TSPAN13: variants seen among roughly 807,000 people sequenced by gnomAD.
TSPAN13 encodes tetraspanin-13.
Under a neutral mutation model 26.9 loss-of-function variants are expected in TSPAN13, and 18 were observed. The ratio of observed to expected loss-of-function variants is 0.67; its 90% CI spans 0.46 to 0.99. TSPAN13 has a LOEUF of 0.99. TSPAN13 is among the 50% of genes least tolerant of loss of function. The probability of loss-of-function intolerance (pLI) is 0.00; values close to 1 mark genes in which losing one functional copy is unlikely to be tolerated. For missense variants in TSPAN13, 201 were observed against 249.6 expected, an observed-to-expected ratio of 0.81 and a Z score of 1.31; for synonymous variants, 116 against 98.4, an observed-to-expected ratio of 1.18 and a Z score of -1.06.
intron 1 of TSPAN13, among the ~76,000 whole-genome samples, chr7:16,774,954 T>C (rs991444332): frequency 2.6e-5 from 4 of 152,236 alleles, no homozygotes; most frequent in Non-Finnish European, 5.9e-5. Flanking sequence ...GATGTAAAAT[T>C]TGCCTGACAA....
intron 5 of TSPAN13, 151 bp downstream of exon 5, chr7:16,779,267 C>G (rs1784788367): frequency 3.4e-6 from 2 of 594,874 alleles, no homozygotes; most frequent in Admixed American, 3.3e-5. Flanking sequence ...GAAGATCTTA[C>G]AAGTCTATTA....
At chr7:16,778,034 C>T in intron 4 of TSPAN13, 123 bp downstream of exon 4, 1 of 686,948 alleles carries the variant, frequency 1.5e-6, no homozygotes, top group Non-Finnish European at 2.3e-6. Context: ...TATATATTTA[C>T]ATTATATTTC....
chr7:16,783,557 G>T lies in TSPAN13; in HGVS notation c.*66G>T. 1.4e-6 allele frequency: 2 copies of T among 1,475,992 alleles called. No homozygotes were observed. The highest frequency in any genetic ancestry group is 1.1e-5 in the South Asian group (1 of 87,344). The allele number at this position is 1,475,992 out of a possible 1,614,324, so 91.4% of individuals were successfully genotyped here. Reference sequence around the variant, plus strand: ...TTCACTTTCTGTAATTTTCTGTTAAGCTCCATTTGCCAGTTTAAGGAAGGA... The same window carrying T: ...TTCACTTTCTGTAATTTTCTGTTAATCTCCATTTGCCAGTTTAAGGAAGGA... On this transcript the variant is annotated 3_prime_UTR_variant, in exon 6 of 6. Transcript: ENST00000262067.
In TSPAN13 at chr7:16,781,590, C is replaced by T. The variant is rs569829462; in HGVS notation, c.541-1827C>T. Among the ~76,000 whole-genome samples, 10 of 152,298 alleles carry T rather than the reference C, an allele frequency of 6.6e-5. No homozygotes were observed. The South Asian group carries it at 1.5e-3, about 22-fold the overall frequency. ...AAGGGGAGAGATTTTCCCCTTTTGG[C>T]GCTTATAGCCAAGTTGGAGGAATAC... On this transcript the variant is annotated intron_variant, in intron 5 of 5. Coordinates refer to ENST00000262067, the MANE Select transcript of TSPAN13 (RefSeq NM_014399.4).
At chr7:16,777,560 C>T (rs1171582377) in intron 3 of TSPAN13, among the ~76,000 whole-genome samples, 1 of 152,138 alleles carries the variant, frequency 6.6e-6, no homozygotes, top group Non-Finnish European at 1.5e-5. Context: ...CCAAGTGCTT[C>T]TTTTAAATTG....
At chr7:16,768,752 G>T (rs186611309) in intron 1 of TSPAN13, among the ~76,000 whole-genome samples, 42 of 152,330 alleles carry the variant, frequency 2.8e-4, no homozygotes, top group Admixed American at 2.2e-3. Context: ...ACTTATTAAA[G>T]TCTACTCTTT....
At chr7:16,781,734 A>G (rs1784815493) in intron 5 of TSPAN13, among the ~76,000 whole-genome samples, 1 of 152,208 alleles carries the variant, frequency 6.6e-6, no homozygotes, top group Admixed American at 6.5e-5. Context: ...CAAAATGTTA[A>G]CATCCTCAAA....
At chr7:16,762,197 G>C (rs181248159) in intron 1 of TSPAN13, among the ~76,000 whole-genome samples, 3 of 152,260 alleles carry the variant, frequency 2.0e-5, no homozygotes, top group African/African-American at 7.2e-5. Context: ...ACATCATTAG[G>C]CTGACTTTCT....
chr7:16,773,772 A>G (rs891708894), intron 1 of TSPAN13, among the ~76,000 whole-genome samples: 2 of 152,226 alleles, frequency 1.3e-5, no homozygotes, highest in Admixed American at 6.5e-5. Context: ...TTAAAGAACT[A>G]TGGGGTTAGA....
rs558575937 is a variant in TSPAN13 at position 16,758,507 on chromosome 7, A to C, written c.63+4477A>C. On this transcript the variant is annotated intron_variant, in intron 1 of 5. Transcript: ENST00000262067. ...TACAGCTTCAGGTGGAAAAAGTTGA[A>C]TTTTGCTGAATTTATAGACTTGGCT... 5.3e-5 allele frequency among the ~76,000 whole-genome samples: 8 copies of C among 152,330 alleles called. No homozygotes were observed. The East Asian group carries it at 1.5e-3, about 29-fold the overall frequency.
intron 1 of TSPAN13, among the ~76,000 whole-genome samples, chr7:16,754,452 G>T (rs571653547): frequency 6.6e-6 from 1 of 152,332 alleles, no homozygotes; most frequent in East Asian, 1.9e-4. Context: ...TTGCGGAATG[G>T]CGTGGCCTGA....
chr7:16,776,480 C>A, intron 2 of TSPAN13, 102 bp downstream of exon 2: 2 of 1,141,520 alleles, frequency 1.8e-6, no homozygotes, highest in Non-Finnish European at 2.5e-6. Flanking sequence ...AAAGCAACTC[C>A]AAGCAAGCCT....
intron 5 of TSPAN13, among the ~76,000 whole-genome samples, chr7:16,780,635 TTC>T (rs144969913): frequency 0.032 from 4,857 of 152,276 alleles, 102 homozygotes; most frequent in Non-Finnish European, 0.048. Flanking sequence ...CTGGAGTAAT[TTC>T]TCTCTACACA....
intron 1 of TSPAN13, among the ~76,000 whole-genome samples, chr7:16,757,554 A>T (rs1784493442): frequency 6.6e-6 from 1 of 152,216 alleles, no homozygotes; most frequent in South Asian, 2.1e-4. Flanking sequence ...ACTGAAAAAT[A>T]TGACCAAACA....
intron 1 of TSPAN13, among the ~76,000 whole-genome samples, chr7:16,773,726 A>G (rs1211496086): frequency 6.6e-6 from 1 of 152,244 alleles, no homozygotes; most frequent in Non-Finnish European, 1.5e-5. Flanking sequence ...GATGTAGTAT[A>G]ATTCCCAAAA....
intron 1 of TSPAN13, among the ~76,000 whole-genome samples, chr7:16,754,432 G>A (rs940556526): frequency 6.6e-6 from 1 of 152,216 alleles, no homozygotes; most frequent in African/African-American, 2.4e-5. Flanking sequence ...GTCAGGGCTT[G>A]CGGACAGTTT....
chr7:16,771,229 G>T (rs867393474), intron 1 of TSPAN13, among the ~76,000 whole-genome samples: 1 of 152,086 alleles, frequency 6.6e-6, no homozygotes, highest in Non-Finnish European at 1.5e-5. Context: ...GCTCACTTAC[G>T]TATTTAAATA....
At chr7:16,764,438 G>C (rs977030507) in intron 1 of TSPAN13, among the ~76,000 whole-genome samples, 2 of 152,070 alleles carry the variant, frequency 1.3e-5, no homozygotes, top group Non-Finnish European at 2.9e-5. Context: ...AATATATTAA[G>C]TTTCTAATTC....
At position 16,764,936 on chromosome 7, in the gene TSPAN13, T is replaced by G. The variant is rs1337128460; in HGVS notation, c.63+10906T>G. Among the ~76,000 whole-genome samples, 6 of 151,064 alleles carry G rather than the reference T, an allele frequency of 4.0e-5. No homozygotes were observed. The East Asian group carries it at 1.2e-3, about 29-fold the overall frequency. ...GTCTCTGTTTTGTTTTTGTTTTTGT[T>G]TTTTTTTTGAGACAAGGTCTTGCTA... On this transcript the variant is annotated intron_variant, in intron 1 of 5. Coordinates refer to ENST00000262067, the MANE Select transcript of TSPAN13 (RefSeq NM_014399.4).
Sources: gnomAD v4.1 joint callset for allele counts (sites outside exome capture counted in the v4.1 genomes callset) on GRCh38, gnomAD v4.1.1 for gene constraint, MANE v1.5 for transcripts, NCBI Gene and HGNC (gene_info 2026-07-23, HGNC 2026-07-21) for gene names.